The following DLG2 variants were observed in gnomAD, a reference collection of about 807,000 sequenced individuals.
DLG2 encodes discs large MAGUK scaffold protein 2.
A neutral mutation model predicts 132.5 loss-of-function variants in DLG2; 45 were observed. The ratio of observed to expected loss-of-function variants is 0.34; its 90% CI spans 0.27 to 0.44. DLG2 has a LOEUF of 0.44. DLG2 is among the 20% of genes least tolerant of loss of function. DLG2 has a pLI of 1.00. For synonymous variants in DLG2, 424 were observed against 419.6 expected (o/e 1.01, Z -0.13); for missense variants, 1,045 against 1,196.9 (o/e 0.87, Z 1.87).
At chr11:85,185,887 A>T (rs1422045341) in intron 4 of DLG2, among the ~76,000 whole-genome samples, 2 of 151,912 alleles carry the variant, frequency 1.3e-5, no homozygotes, top group African/African-American at 4.8e-5. Flanking sequence ...AATTACCGCC[A>T]CTTCTCTATT....
At chr11:85,045,911 A>T (rs1451911396) in intron 6 of DLG2, among the ~76,000 whole-genome samples, 1 of 152,078 alleles carries the variant, frequency 6.6e-6, no homozygotes, top group Non-Finnish European at 1.5e-5. Context: ...TAGTTGGCAG[A>T]GGAAGGATCC....
intron 9 of DLG2, among the ~76,000 whole-genome samples, chr11:84,142,618 C>A (rs1012063213): frequency 7.9e-5 from 12 of 152,070 alleles, no homozygotes; most frequent in African/African-American, 2.7e-4. Context: ...CTCACCAATG[C>A]GGGTGAGAGT....
intron 7 of DLG2, among the ~76,000 whole-genome samples, chr11:84,445,128 A>G (rs2099029729): frequency 6.6e-6 from 1 of 152,082 alleles, no homozygotes; most frequent in Admixed American, 6.5e-5. Context: ...ACGCTATTTT[A>G]ATTTTATCTT....
chr11:83,966,666 A>G (rs1452220649), intron 12 of DLG2, among the ~76,000 whole-genome samples: 1 of 152,112 alleles, frequency 6.6e-6, no homozygotes, highest in East Asian at 1.9e-4. Context: ...GCATGATGTT[A>G]TATCACACAT....
intron 9 of DLG2, among the ~76,000 whole-genome samples, chr11:84,107,297 T>C (rs1335654818): frequency 6.6e-6 from 1 of 152,044 alleles, no homozygotes; most frequent in Non-Finnish European, 1.5e-5. Context: ...TACAACAGTA[T>C]TGTATAAGTT....
chr11:83,697,932 G>A (rs1329925685), intron 18 of DLG2, among the ~76,000 whole-genome samples: 1 of 152,154 alleles, frequency 6.6e-6, no homozygotes, highest in Non-Finnish European at 1.5e-5. Flanking sequence ...TTTGGCTCAT[G>A]GTCTCTGAAC....
chr11:83,859,253 A>G (rs1273138205), intron 16 of DLG2, among the ~76,000 whole-genome samples: 2 of 152,318 alleles, frequency 1.3e-5, no homozygotes, highest in African/African-American at 4.8e-5. Context: ...TAGAGGCTGG[A>G]CCAGTTTGGA....
chr11:84,211,939 A>ATCT (rs2096761464), intron 8 of DLG2, among the ~76,000 whole-genome samples: 1 of 152,228 alleles, frequency 6.6e-6, no homozygotes, highest in African/African-American at 2.4e-5. Flanking sequence ...TAAGAGGATA[A>ATCT]ATAGATGTGT....
intron 3 of DLG2, among the ~76,000 whole-genome samples, chr11:85,395,278 G>A (rs2087207681): frequency 6.6e-6 from 1 of 152,166 alleles, no homozygotes; most frequent in Non-Finnish European, 1.5e-5. Context: ...AAGATAAGAA[G>A]CAGTTGCTTC....
intron 6 of DLG2, among the ~76,000 whole-genome samples, chr11:85,038,589 C>G (rs2061600098): frequency 6.6e-6 from 1 of 152,004 alleles, no homozygotes; most frequent in South Asian, 2.1e-4. Context: ...CCGCCTCCAA[C>G]TAAAAAAATT....
At chr11:84,697,541 A>G (rs554186560) in intron 6 of DLG2, among the ~76,000 whole-genome samples, 113 of 151,686 alleles carry the variant, frequency 7.4e-4, no homozygotes, top group South Asian at 6.2e-3. Context: ...ATGCAATTAT[A>G]TGGATTTGAA....
At chr11:85,296,683 A>G (rs1290677234) in intron 3 of DLG2, among the ~76,000 whole-genome samples, 1 of 151,212 alleles carries the variant, frequency 6.6e-6, no homozygotes, top group Non-Finnish European at 1.5e-5. Context: ...CTGCACCAAA[A>G]GGATGAATTT....
intron 6 of DLG2, among the ~76,000 whole-genome samples, chr11:84,585,960 G>C (rs751927828): frequency 3.9e-5 from 6 of 152,068 alleles, no homozygotes; most frequent in Admixed American, 2.6e-4. Flanking sequence ...GAGACCAGCC[G>C]GGCAACATGG....
intron 3 of DLG2, among the ~76,000 whole-genome samples, chr11:85,434,146 C>A (rs1469371096): frequency 6.6e-6 from 1 of 151,966 alleles, no homozygotes; most frequent in Admixed American, 6.5e-5. Context: ...GAAAACATAC[C>A]AGAATCTCTG....
intron 6 of DLG2, among the ~76,000 whole-genome samples, chr11:84,671,572 C>T (rs1344235378): frequency 6.6e-6 from 1 of 152,146 alleles, no homozygotes; most frequent in African/African-American, 2.4e-5. Flanking sequence ...ATTCCTGTTC[C>T]TGTTAAACAG....
chr11:84,029,605 G>C (rs2095636166), intron 11 of DLG2, among the ~76,000 whole-genome samples: 1 of 152,104 alleles, frequency 6.6e-6, no homozygotes, highest in East Asian at 1.9e-4. Flanking sequence ...AATACATATT[G>C]CATATTTGAG....
chr11:84,870,853 C>T (rs1015375871), intron 6 of DLG2, among the ~76,000 whole-genome samples: 2 of 152,298 alleles, frequency 1.3e-5, no homozygotes, highest in Non-Finnish European at 1.5e-5. Flanking sequence ...GAGATTATTA[C>T]AGTTTTTGGA....
At chr11:85,121,199 G>A (rs1320995033) in intron 5 of DLG2, among the ~76,000 whole-genome samples, 1 of 151,888 alleles carries the variant, frequency 6.6e-6, no homozygotes, top group Non-Finnish European at 1.5e-5. Context: ...TATCCTGAAA[G>A]TTGAGTAAAA....
Position 84,812,956 on chromosome 11 carries a change from C to T in DLG2, c.358-278225G>A, listed in dbSNP as rs118118818. On this transcript the variant is annotated intron_variant, in intron 6 of 27. Coordinates refer to ENST00000376104, the MANE Select transcript of DLG2 (RefSeq NM_001142699.3). ...CTCATACTACAAGGCTGGAACCAAA[C>T]GGAGCTGAAATTTTCCCTTGTCTTG... is the stretch of plus-strand genomic sequence containing the variant. 2.0e-4 allele frequency among the ~76,000 whole-genome samples: 31 copies of T among 152,144 alleles called. No homozygotes were observed. The East Asian group carries it at 5.8e-3, about 29-fold the overall frequency.
Sources: gnomAD v4.1 joint callset for allele counts (sites outside exome capture counted in the v4.1 genomes callset) on GRCh38, gnomAD v4.1.1 for gene constraint, MANE v1.5 for transcripts, NCBI Gene and HGNC (gene_info 2026-07-23, HGNC 2026-07-21) for gene names.